Variants in C2CD5 observed in about 807,000 individuals in gnomAD.
C2CD5 encodes the protein C2 calcium dependent domain containing 5, also known as C2 domain-containing protein 5.
In C2CD5, 109 loss-of-function variants were observed where a neutral mutation model predicts 130.3. That is an observed-to-expected ratio of 0.84 (90% confidence interval 0.72 to 0.98). The LOEUF (loss-of-function observed/expected upper bound fraction) is 0.98. Ranked by LOEUF, C2CD5 falls within the 50% of genes least tolerant of loss-of-function variation. C2CD5 has a pLI of 0.00. For synonymous variants in C2CD5, 454 were observed against 429.2 expected (o/e 1.06, Z -0.71); for missense variants, 996 against 1,261.8 (o/e 0.79, Z 3.19).
intron 14 of C2CD5, among the ~76,000 whole-genome samples, chr12:22,480,367 C>A (rs1056518720): frequency 6.6e-6 from 1 of 152,146 alleles, no homozygotes; most frequent in Admixed American, 6.5e-5. Flanking sequence ...GACACCTCGT[C>A]GGCACTCATC....
At chr12:22,494,488 C>A (rs548960880) in intron 10 of C2CD5, among the ~76,000 whole-genome samples, 2 of 151,992 alleles carry the variant, frequency 1.3e-5, no homozygotes, top group South Asian at 4.1e-4. Context: ...GGTTAAGAGG[C>A]GTGTTATAGC....
chr12:22,508,441 T>C (rs1013392820), intron 9 of C2CD5, among the ~76,000 whole-genome samples: 28 of 152,206 alleles, frequency 1.8e-4, no homozygotes, highest in African/African-American at 6.8e-4. Flanking sequence ...TAAACTTCTT[T>C]TTCTGTCCTC....
chr12:22,529,618 G>A (rs758028365), intron 3 of C2CD5, among the ~76,000 whole-genome samples: 16 of 152,068 alleles, frequency 1.1e-4, no homozygotes, highest in Admixed American at 3.3e-4. Flanking sequence ...ATCTGGAATC[G>A]CAAAATATTA....
intron 8 of C2CD5, among the ~76,000 whole-genome samples, chr12:22,513,955 A>C (rs927487378): frequency 3.3e-5 from 5 of 152,150 alleles, no homozygotes; most frequent in African/African-American, 9.7e-5. Flanking sequence ...CATTCACAAA[A>C]ATCAACATAA....
At chr12:22,490,065 A>G in intron 12 of C2CD5, 58 bp downstream of exon 12, 1 of 1,283,094 alleles carries the variant, frequency 7.8e-7, no homozygotes, top group East Asian at 2.3e-5. Flanking sequence ...TCTCAGAAAA[A>G]AAGTCGACCT....
intron 7 of C2CD5, among the ~76,000 whole-genome samples, chr12:22,518,446 TAAAC>T (rs1360803469): frequency 2.0e-5 from 3 of 152,138 alleles, no homozygotes; most frequent in Non-Finnish European, 2.9e-5. Context: ...TATTTTCAAA[TAAAC>T]AATGCTGTAA....
intron 9 of C2CD5, among the ~76,000 whole-genome samples, chr12:22,512,007 T>C (rs1314052063): frequency 6.6e-6 from 1 of 152,220 alleles, no homozygotes; most frequent in Admixed American, 6.5e-5. Flanking sequence ...CAGTCTTTTA[T>C]TATATTTGGT....
At position 22,524,578 on chromosome 12, in the gene C2CD5, T is replaced by C. The variant is rs758222356; in HGVS notation, c.495A>G (p.Val165=). Residue 165 remains valine, a synonymous_variant, in exon 6 of 27, where the codon GTA becomes GTG. Coordinates refer to ENST00000446597, the MANE Select transcript of C2CD5 (RefSeq NM_001286176.2). The part of the protein sequence containing the change: ...CYRAVIIHGF[V]EELVVNEDPE... Reference sequence around the variant, plus strand: ...GGTCTTCATTGACCACAAGTTCTTCTACAAATCCATGAATTATCACAGCTC... The same window carrying C: ...GGTCTTCATTGACCACAAGTTCTTCCACAAATCCATGAATTATCACAGCTC... 34 of 1,613,368 alleles carry C rather than the reference T, an allele frequency of 2.1e-5. No individual in the cohort carries two copies. In the African/African-American group the frequency reaches 4.4e-4, roughly 21 times the overall value.
intron 2 of C2CD5, among the ~76,000 whole-genome samples, chr12:22,539,882 C>T (rs1348189086): frequency 1.3e-5 from 2 of 151,498 alleles, no homozygotes; most frequent in African/African-American, 4.9e-5. Flanking sequence ...GTCCCAGCTA[C>T]TCAGGAGGCT....
At chr12:22,532,900 C>G (rs958416537) in intron 3 of C2CD5, among the ~76,000 whole-genome samples, 9 of 152,098 alleles carry the variant, frequency 5.9e-5, no homozygotes, top group African/African-American at 2.2e-4. Flanking sequence ...CATGAAATAG[C>G]AGGGGAAGAA....
In C2CD5 at chr12:22,512,785, T is replaced by A. The variant is rs911630303; in HGVS notation, c.1038+509A>T. ...GAACAAATATAGCTAAATCTCAAAC[T>A]TACAATAACTGAAATAGATGCATTA... On this transcript the variant is annotated intron_variant, in intron 9 of 26. Transcript: ENST00000446597. The A allele has an allele frequency of 4.3e-6, 3 of 704,202 alleles. No individual in the cohort carries two copies. The Admixed American group carries it at 9.5e-5, about 22-fold the overall frequency. The allele number at this position is 704,202 out of a possible 1,614,324, so 43.6% of individuals were successfully genotyped here. A position where few individuals can be genotyped will look rare whatever the true frequency, so the allele number is the denominator to read the frequency against.
Position 22,472,846 on chromosome 12 carries a change from T to C in C2CD5, c.2044-39A>G, listed in dbSNP as rs776899194. 18 of 1,048,288 alleles carry C rather than the reference T, an allele frequency of 1.7e-5. No individual in the cohort carries two copies. In the East Asian group the frequency reaches 3.8e-4, roughly 22 times the overall value. 64.9% of individuals were successfully genotyped at this position (1,048,288 alleles called of 1,614,324 possible). On this transcript the variant is annotated intron_variant, in intron 16 of 26. Coordinates refer to ENST00000446597, the MANE Select transcript of C2CD5 (RefSeq NM_001286176.2). The stretch of plus-strand genomic sequence containing the variant: ...TTAAAACTATTTTATAAGTAGTAAA[T>C]GCATAATTATTTCACGTTTTAAAAG...
Position 22,472,294 on chromosome 12 carries a change from C to T in C2CD5, c.2161G>A (p.Glu721Lys). ...AAGAAAAAAAGGTTTACCTGTATTT[C>T]AGAGGTCCAATTATTTATACCGGGC... is the stretch of plus-strand genomic sequence containing the variant. Reference protein sequence around the residue: ...IMPGINNWTSEIQMFTSVRVI... With the variant: ...IMPGINNWTSKIQMFTSVRVI... The change falls in exon 18 of 27, where the codon GAA becomes AAA. Residue 721 changes from glutamate (E) to lysine (K), a missense_variant. By Grantham distance (56) the Glu-to-Lys change is moderately conservative. Around this residue, in one of 9 missense-constraint regions of C2CD5, gnomAD observed 590 missense variants for 631.4 expected, o/e 0.93. Coordinates refer to ENST00000446597, the MANE Select transcript of C2CD5 (RefSeq NM_001286176.2). The T allele has an allele frequency of 6.6e-7, 1 of 1,507,550 alleles. No homozygotes were observed. Among genetic ancestry groups the T allele is most frequent in the Non-Finnish European group, 9.1e-7 (1 of 1,100,442 alleles). 93.4% of individuals were successfully genotyped at this position (1,507,550 alleles called of 1,614,324 possible). A position where few individuals can be genotyped will look rare whatever the true frequency, so the allele number is the denominator to read the frequency against.
At chr12:22,503,138 T>C (rs902757318) in intron 10 of C2CD5, among the ~76,000 whole-genome samples, 2 of 152,164 alleles carry the variant, frequency 1.3e-5, no homozygotes, top group Admixed American at 6.5e-5. Flanking sequence ...TAGCAGGTGG[T>C]AGTGGTTTTA....
chr12:22,526,824 T>A lies in C2CD5; in HGVS notation c.349+897A>T, dbSNP rs570833999. On this transcript the variant is annotated intron_variant, in intron 4 of 26. Transcript: ENST00000446597. ...TTCACTTGACTGTCCTGACTTCATG[T>A]CAAATTCATACTTATGGTGGAAGAC... is the stretch of plus-strand genomic sequence containing the variant. Among the ~76,000 whole-genome samples, 5 of 152,354 alleles carry A rather than the reference T, an allele frequency of 3.3e-5. 1 individual carries two copies. In the South Asian group the frequency reaches 1.0e-3, roughly 32 times the overall value.
At chr12:22,529,952 T>C (rs1021795591) in intron 3 of C2CD5, among the ~76,000 whole-genome samples, 1 of 151,744 alleles carries the variant, frequency 6.6e-6, no homozygotes, top group Admixed American at 6.6e-5. Flanking sequence ...CCACAGGCTA[T>C]GTATAGATGA....
At chr12:22,542,259 C>T (rs1952465838) in intron 2 of C2CD5, among the ~76,000 whole-genome samples, 1 of 152,218 alleles carries the variant, frequency 6.6e-6, no homozygotes, top group Non-Finnish European at 1.5e-5. Context: ...CTCCCCTGGC[C>T]AGGCGTGGTG....
At chr12:22,466,971 A>G (rs1942189160) in intron 22 of C2CD5, among the ~76,000 whole-genome samples, 1 of 152,206 alleles carries the variant, frequency 6.6e-6, no homozygotes, top group South Asian at 2.1e-4. Flanking sequence ...AGATGGATAT[A>G]TAAAAACATG....
At chr12:22,464,583 G>A (rs1310413115) in intron 22 of C2CD5, among the ~76,000 whole-genome samples, 6 of 152,022 alleles carry the variant, frequency 3.9e-5, no homozygotes. Flanking sequence ...TTTCTGGGAT[G>A]AGTTTTTCAC....
Sources: allele counts gnomAD v4.1 joint callset (sites outside exome capture counted in the v4.1 genomes callset), GRCh38; gene constraint gnomAD v4.1.1; regional missense constraint gnomAD v4.1.1; transcripts MANE v1.5; gene names NCBI Gene and HGNC (gene_info 2026-07-23, HGNC 2026-07-21).